Variants in USH2A observed in about 807,000 individuals in gnomAD.
USH2A encodes usherin, also known as Usher syndrome 2A (autosomal recessive, mild).
A neutral mutation model predicts 538.9 loss-of-function variants in USH2A; 443 were observed. The observed-to-expected ratio is 0.82, with a 90% CI of 0.76 to 0.89. The LOEUF (loss-of-function observed/expected upper bound fraction) is 0.89. USH2A is among the 40% of genes least tolerant of loss of function. The probability of loss-of-function intolerance (pLI) is 0.00; values close to 1 mark genes in which losing one functional copy is unlikely to be tolerated. For synonymous variants in USH2A, 2,413 were observed against 2,273.5 expected (o/e 1.06, Z -1.75); for missense variants, 6,633 against 6,324.8 (o/e 1.05, Z -1.65).
chr1:216,415,476 T>A (rs546377341), intron 3 of USH2A, among the ~76,000 whole-genome samples: 2 of 150,788 alleles, frequency 1.3e-5, no homozygotes, highest in Non-Finnish European at 2.9e-5. Context: ...AAATCAGATT[T>A]CCCAACTCCT....
intron 20 of USH2A, among the ~76,000 whole-genome samples, chr1:216,180,666 A>G (rs1478423215): frequency 5.9e-5 from 9 of 152,118 alleles, no homozygotes; most frequent in Admixed American, 5.9e-4. Context: ...GGCTGTGTCA[A>G]TATCTTAAAG....
intron 4 of USH2A, among the ~76,000 whole-genome samples, chr1:216,358,113 T>C (rs1046968021): frequency 6.6e-6 from 1 of 152,144 alleles, no homozygotes; most frequent in Non-Finnish European, 1.5e-5. Context: ...AGTCCTGCAG[T>C]AACAGAAAGT....
At chr1:215,732,370 C>T (rs1660021591) in intron 60 of USH2A, among the ~76,000 whole-genome samples, 1 of 152,022 alleles carries the variant, frequency 6.6e-6, no homozygotes, top group African/African-American at 2.4e-5. Context: ...TGCTGATTCT[C>T]AAAAGGACTC....
intron 4 of USH2A, among the ~76,000 whole-genome samples, chr1:216,335,529 C>T (rs1336227521): frequency 6.6e-6 from 1 of 151,350 alleles, no homozygotes; most frequent in Non-Finnish European, 1.5e-5. Context: ...GACAAACATT[C>T]AACTAGACTA....
intron 3 of USH2A, among the ~76,000 whole-genome samples, chr1:216,395,985 T>C (rs1571777276): frequency 6.6e-6 from 1 of 152,204 alleles, no homozygotes; most frequent in South Asian, 2.1e-4. Context: ...TTACACTGTT[T>C]CAACTCCTCC....
intron 47 of USH2A, among the ~76,000 whole-genome samples, chr1:215,817,396 T>C (rs2102796780): frequency 6.6e-6 from 1 of 152,044 alleles, no homozygotes. Context: ...GGTGGTTTAT[T>C]ACTTTCAGTT....
At chr1:215,630,797 G>A (rs1656257549) in intron 70 of USH2A, among the ~76,000 whole-genome samples, 1 of 151,166 alleles carries the variant, frequency 6.6e-6, no homozygotes, top group African/African-American at 2.4e-5. Flanking sequence ...AGGTTGCAGT[G>A]AGTCGAGATC....
chr1:215,936,826 T>C (rs1666511600), intron 37 of USH2A, among the ~76,000 whole-genome samples: 1 of 152,118 alleles, frequency 6.6e-6, no homozygotes, highest in Non-Finnish European at 1.5e-5. Context: ...CAATGTGTCA[T>C]TGTCCCATCA....
intron 61 of USH2A, among the ~76,000 whole-genome samples, chr1:215,726,310 A>ACG (rs1659815983): frequency 6.6e-6 from 1 of 152,078 alleles, no homozygotes; most frequent in Non-Finnish European, 1.5e-5. Flanking sequence ...ACTAGAAGAC[A>ACG]TAATATAAAA....
intron 54 of USH2A, 48 bp downstream of exon 54, chr1:215,781,994 T>G: frequency 1.9e-6 from 3 of 1,611,740 alleles, no homozygotes. Flanking sequence ...GTTCAGATAA[T>G]CTTCACACTG....
chr1:216,397,055 G>A (rs1447262218), intron 3 of USH2A, among the ~76,000 whole-genome samples: 1 of 152,170 alleles, frequency 6.6e-6, no homozygotes, highest in Non-Finnish European at 1.5e-5. Flanking sequence ...TTGCACACCT[G>A]AGAAGAATGG....
At chr1:215,897,506 G>A (rs1212507216) in intron 40 of USH2A, among the ~76,000 whole-genome samples, 2 of 152,028 alleles carry the variant, frequency 1.3e-5, no homozygotes, top group Non-Finnish European at 2.9e-5. Context: ...GGCCAACATG[G>A]TGAAACCCAT....
At chr1:215,926,577 T>G (rs79433130) in intron 38 of USH2A, among the ~76,000 whole-genome samples, 2,324 of 149,166 alleles carry the variant, frequency 0.016, 75 homozygotes, top group African/African-American at 0.054. Context: ...AAGCGTGTCT[T>G]TTTCCTAAAT....
intron 3 of USH2A, among the ~76,000 whole-genome samples, chr1:216,410,029 C>A (rs2039460163): frequency 6.6e-6 from 1 of 152,008 alleles, no homozygotes; most frequent in Non-Finnish European, 1.5e-5. Flanking sequence ...AAAAAAACAA[C>A]CCTATTAAAA....
chr1:215,812,660 C>T (rs1023326114), intron 49 of USH2A, among the ~76,000 whole-genome samples: 7 of 152,154 alleles, frequency 4.6e-5, no homozygotes, highest in African/African-American at 1.7e-4. Flanking sequence ...TCTCCTATAT[C>T]CATTTCCTGC....
At chr1:215,647,317 T>C (rs539937007) in intron 67 of USH2A, among the ~76,000 whole-genome samples, 2 of 152,334 alleles carry the variant, frequency 1.3e-5, no homozygotes, top group East Asian at 3.9e-4. Context: ...AGAAAATCCT[T>C]CTTAAATTTT....
At chr1:216,253,138 T>C (rs1282616391) in intron 11 of USH2A, among the ~76,000 whole-genome samples, 1 of 151,692 alleles carries the variant, frequency 6.6e-6, no homozygotes, top group African/African-American at 2.4e-5. Flanking sequence ...TTTTATATGT[T>C]TTGTTATTTT....
chr1:216,052,363 GAAA>G (rs66887627), intron 30 of USH2A, among the ~76,000 whole-genome samples: 2 of 127,748 alleles, frequency 1.6e-5, no homozygotes, highest in South Asian at 2.4e-4. Context: ...GAAAACAAAG[GAAA>G]AAAAAAAAAA....
chr1:216,369,540 C>T (rs957602414), intron 3 of USH2A, among the ~76,000 whole-genome samples: 3 of 152,146 alleles, frequency 2.0e-5, no homozygotes, highest in African/African-American at 2.4e-5. Flanking sequence ...TTTTTCAAAA[C>T]ACACATCTCA....
Sources: allele counts gnomAD v4.1 joint callset (sites outside exome capture counted in the v4.1 genomes callset), GRCh38; gene constraint gnomAD v4.1.1; transcripts MANE v1.5; gene names NCBI Gene and HGNC (gene_info 2026-07-23, HGNC 2026-07-21).